SLCO1B1: variants seen among roughly 807,000 people sequenced by gnomAD.
The protein encoded by SLCO1B1 is solute carrier organic anion transporter family member 1B1.
SLCO1B1 carries 81 observed loss-of-function variants against 70.1 expected under a neutral mutation model. The observed-to-expected ratio is 1.16, with a 90% confidence interval of 0.97 to 1.39. The LOEUF is 1.39. SLCO1B1 is among the 40% of genes most tolerant of loss of function. SLCO1B1 has a pLI of 0.00. For synonymous variants in SLCO1B1, 283 were observed against 271.5 expected (o/e 1.04, Z -0.42); for missense variants, 895 against 799.6 (o/e 1.12, Z -1.44).
chr12:21,154,468 T>C (rs1940514724), intron 2 of SLCO1B1, among the ~76,000 whole-genome samples: 1 of 152,150 alleles, frequency 6.6e-6, no homozygotes, highest in African/African-American at 2.4e-5. Flanking sequence ...TTCTATTGTT[T>C]ATAAAGTACA....
intron 8 of SLCO1B1, among the ~76,000 whole-genome samples, chr12:21,197,879 C>G (rs890177765): frequency 6.6e-6 from 1 of 152,060 alleles, no homozygotes; most frequent in Admixed American, 6.6e-5. Flanking sequence ...ACAGTGCCTC[C>G]TCTTTTGAAT....
intron 2 of SLCO1B1, among the ~76,000 whole-genome samples, chr12:21,143,174 GCTTA>G (rs1477628273): frequency 6.6e-6 from 1 of 151,958 alleles, no homozygotes; most frequent in South Asian, 2.1e-4. Context: ...GCATTTCTGA[GCTTA>G]CTTTTTATTC....
intron 1 of SLCO1B1, among the ~76,000 whole-genome samples, chr12:21,137,242 C>G (rs191667119): frequency 6.6e-6 from 1 of 152,132 alleles, no homozygotes; most frequent in African/African-American, 2.4e-5. Context: ...TCCGCCCCTA[C>G]TGGGGGGTGC....
chr12:21,223,309 A>G (rs1941448896), intron 13 of SLCO1B1, among the ~76,000 whole-genome samples: 1 of 152,196 alleles, frequency 6.6e-6, no homozygotes, highest in Non-Finnish European at 1.5e-5. Context: ...AAAACTTTCA[A>G]TTCATAAACA....
chr12:21,169,186 T>A (rs1369640755), intron 2 of SLCO1B1, among the ~76,000 whole-genome samples: 1 of 152,162 alleles, frequency 6.6e-6, no homozygotes, highest in Non-Finnish European at 1.5e-5. Context: ...TGTGTGTAAC[T>A]TTTGACAGTT....
chr12:21,205,274 A>G (rs1941202596), intron 10 of SLCO1B1, among the ~76,000 whole-genome samples: 1 of 152,022 alleles, frequency 6.6e-6, no homozygotes, highest in South Asian at 2.1e-4. Flanking sequence ...AAAGGAAATC[A>G]GTATAAAGTA....
intron 2 of SLCO1B1, among the ~76,000 whole-genome samples, chr12:21,153,980 A>G (rs956591531): frequency 2.0e-5 from 3 of 152,088 alleles, no homozygotes; most frequent in African/African-American, 7.2e-5. Context: ...GAAAAATCCA[A>G]ACTAAAAATT....
intron 2 of SLCO1B1, among the ~76,000 whole-genome samples, chr12:21,151,906 T>C (rs1940474974): frequency 6.6e-6 from 1 of 152,088 alleles, no homozygotes; most frequent in South Asian, 2.1e-4. Context: ...TTCTATGGAC[T>C]TCCAGGATCT....
intron 14 of SLCO1B1, among the ~76,000 whole-genome samples, chr12:21,231,966 C>G (rs1941543496): frequency 1.3e-5 from 2 of 152,042 alleles, no homozygotes; most frequent in Admixed American, 1.3e-4. Flanking sequence ...ATAAATAAGC[C>G]TTAACTGAGG....
chr12:21,224,832 T>A lies in SLCO1B1; in HGVS notation c.1858T>A (p.Ser620Thr). Residue 620 changes from serine to threonine, a missense_variant, in exon 14 of 15, where the codon TCA (serine) becomes ACA (threonine). Physicochemically the swap from Ser to Thr is moderately conservative, Grantham distance 58. Transcript: ENST00000256958. ...RGSCRTYNST[S>T]FSRVYLGLSS... ...GTCATGTAGGACATATAATTCCACA[T>A]CATTTTCGTAAGTTGTCATAAATAT... 2 of 1,565,462 alleles carry A rather than the reference T, an allele frequency of 1.3e-6. No homozygotes were observed. The highest frequency in any genetic ancestry group is 2.3e-5 in the South Asian group (2 of 87,338).
chr12:21,170,998 C>T (rs369615205), intron 2 of SLCO1B1, among the ~76,000 whole-genome samples: 47 of 152,168 alleles, frequency 3.1e-4, no homozygotes, highest in African/African-American at 1.1e-3. Context: ...TCACTGGGGA[C>T]GGAGCAATGA....
intron 2 of SLCO1B1, among the ~76,000 whole-genome samples, chr12:21,147,753 G>T (rs1474442255): frequency 6.6e-6 from 1 of 152,158 alleles, no homozygotes; most frequent in Non-Finnish European, 1.5e-5. Context: ...ACATGTGCAT[G>T]TGTCTTTATA....
chr12:21,135,701 A>G (rs1413967921), intron 1 of SLCO1B1, among the ~76,000 whole-genome samples: 2 of 151,960 alleles, frequency 1.3e-5, no homozygotes, highest in East Asian at 1.9e-4. Context: ...ATCTTCCTCC[A>G]TCCCTTTATT....
chr12:21,171,291 C>T (rs750881097), intron 2 of SLCO1B1, among the ~76,000 whole-genome samples: 6 of 152,100 alleles, frequency 3.9e-5, no homozygotes, highest in Non-Finnish European at 7.4e-5. Context: ...GCTCAATATA[C>T]AGCAACAAGG....
At position 21,213,836 on chromosome 12, in the gene SLCO1B1, C is replaced by G. The variant is rs540836637; in HGVS notation, c.1498-3283C>G. Among the ~76,000 whole-genome samples, 7 of 150,300 alleles carry G rather than the reference C, an allele frequency of 4.7e-5. No homozygotes were observed. The East Asian group carries it at 5.9e-4, about 13-fold the overall frequency. Reference sequence around the variant, plus strand: ...CATTTCATCTTCCATTGCTGATACCCTTTCTTCCAGTTGATCGCATCGGCT... The same window carrying G: ...CATTTCATCTTCCATTGCTGATACCGTTTCTTCCAGTTGATCGCATCGGCT... On this transcript the variant is annotated intron_variant, in intron 11 of 14. Transcript: ENST00000256958.
At chr12:21,174,154 C>G (rs890940168) in intron 3 of SLCO1B1, among the ~76,000 whole-genome samples, 5 of 152,044 alleles carry the variant, frequency 3.3e-5, no homozygotes, top group Non-Finnish European at 7.4e-5. Flanking sequence ...AAGACAGATG[C>G]CATGGTTTAT....
intron 11 of SLCO1B1, among the ~76,000 whole-genome samples, chr12:21,214,267 T>C (rs138338384): frequency 0.012 from 1,785 of 152,060 alleles, 21 homozygotes; most frequent in Middle Eastern, 0.024. Context: ...TGTTTGTTAG[T>C]TTTCCTTCTA....
chr12:21,142,419 C>T (rs539012837), intron 2 of SLCO1B1, among the ~76,000 whole-genome samples: 1 of 151,910 alleles, frequency 6.6e-6, no homozygotes, highest in African/African-American at 2.4e-5. Flanking sequence ...GAACCCAAGA[C>T]AAAGCCTTTA....
intron 7 of SLCO1B1, among the ~76,000 whole-genome samples, chr12:21,181,093 G>A (rs1940890841): frequency 6.6e-6 from 1 of 152,178 alleles, no homozygotes; most frequent in Non-Finnish European, 1.5e-5. Context: ...GTTGTGAACT[G>A]CTCTCCCCAT....
Sources: gnomAD v4.1 joint callset for allele counts (sites outside exome capture counted in the v4.1 genomes callset) on GRCh38, gnomAD v4.1.1 for gene constraint, MANE v1.5 for transcripts, NCBI Gene and HGNC (gene_info 2026-07-23, HGNC 2026-07-21) for gene names.